The following ESR2 variants were observed in gnomAD, a reference collection of about 807,000 sequenced individuals.
The protein encoded by ESR2 is estrogen receptor 2, also known as estrogen receptor beta.
ESR2 carries 36 observed loss-of-function variants against 49.6 expected under a neutral mutation model. The observed-to-expected ratio is 0.73, with a 90% CI of 0.56 to 0.96. ESR2 has a LOEUF of 0.96. ESR2 is among the 40% of genes least tolerant of loss of function. The pLI, the probability that ESR2 is intolerant of heterozygous loss-of-function variation, is 0.00. For synonymous variants in ESR2, 320 were observed against 266.1 expected (o/e 1.20, Z -1.97); for missense variants, 714 against 693.0 (o/e 1.03, Z -0.34).
At chr14:64,253,685 G>A (rs2140696461) in intron 6 of ESR2, among the ~76,000 whole-genome samples, 1 of 152,044 alleles carries the variant, frequency 6.6e-6, no homozygotes, top group Non-Finnish European at 1.5e-5. Flanking sequence ...ACCTCTGTGT[G>A]TATGGCAATG....
At chr14:64,317,979 A>G (rs1401614869) in intron 1 of ESR2, among the ~76,000 whole-genome samples, 1 of 152,190 alleles carries the variant, frequency 6.6e-6, no homozygotes, top group East Asian at 1.9e-4. Context: ...ATTCAGTACA[A>G]TGCTAGAAGA....
At chr14:64,302,158 ATT>A (rs557296130) in intron 1 of ESR2, among the ~76,000 whole-genome samples, 3 of 113,290 alleles carry the variant, frequency 2.6e-5, no homozygotes, top group Non-Finnish European at 3.7e-5. Context: ...TTTATTTTTT[ATT>A]TTTATTTATT....
At position 64,282,941 on chromosome 14, in the gene ESR2, G is replaced by A. The variant is rs146774535; in HGVS notation, c.45C>T (p.Ser15=). ...NSPSSLNSPS[S]YNCSQSILPL... is the part of the protein sequence containing the mutation. ...GTAAGATGGATTGACTGCAGTTGTA[G>A]GAGGAAGGAGAATTAAGGCTAGATG... Residue 15 remains serine, a synonymous_variant, in exon 2 of 9, where the codon TCC becomes TCT. Transcript: ENST00000341099. 288 of 1,614,078 alleles carry A rather than the reference G, an allele frequency of 1.8e-4. 1 individual carries two copies. The African/African-American group carries it at 3.3e-3, about 19-fold the overall frequency.
At chr14:64,260,111 G>C in intron 5 of ESR2, 1 of 516,654 alleles carries the variant, frequency 1.9e-6, no homozygotes, top group African/African-American at 1.9e-5. Flanking sequence ...ACAGGATAGG[G>C]TTTGTGCAAG....
chr14:64,287,791 A>C (rs957544042), intron 1 of ESR2, among the ~76,000 whole-genome samples: 2 of 152,226 alleles, frequency 1.3e-5, no homozygotes, highest in Admixed American at 1.3e-4. Flanking sequence ...TAAACTGGTC[A>C]AAGGAAAGAC....
chr14:64,281,751 A>G (rs1334287596), intron 2 of ESR2, among the ~76,000 whole-genome samples: 1 of 152,258 alleles, frequency 6.6e-6, no homozygotes, highest in Non-Finnish European at 1.5e-5. Flanking sequence ...TTTAAAGAGT[A>G]CACATATCCT....
rs2098724428 is a variant in ESR2 at position 64,228,459 on chromosome 14, C to T, written c.*4678G>A. ...GGTCTCAAAATCTGCTTTCACAGAG[C>T]AGCAAACATTCATTTCTACAAGGCC... On this transcript the variant is annotated 3_prime_UTR_variant, in exon 9 of 9. Transcript: ENST00000341099. 6.6e-6 allele frequency among the ~76,000 whole-genome samples: 1 copy of T among 152,172 alleles called. No homozygotes were observed. The highest frequency in any genetic ancestry group is 2.4e-5 in the African/African-American group (1 of 41,426).
Position 64,230,229 on chromosome 14 carries a change from TTAAG to T in ESR2, c.*2904_*2907del, listed in dbSNP as rs1194070671. On this transcript the variant is annotated 3_prime_UTR_variant, in exon 9 of 9. Transcript: ENST00000341099. Reference sequence around the variant, plus strand: ...AAAAAAAAAAAGGTGTCAAATCTTATTAAGTGAGGATACTTTGTTTCAAAATAGG... The same window carrying T: ...AAAAAAAAAAAGGTGTCAAATCTTATTGAGGATACTTTGTTTCAAAATAGG... Among the ~76,000 whole-genome samples, 1 of 151,738 alleles carries T rather than the reference TTAAG, an allele frequency of 6.6e-6. No homozygotes were observed. The highest frequency in any genetic ancestry group is 2.4e-5 in the African/African-American group (1 of 41,352).
intron 1 of ESR2, among the ~76,000 whole-genome samples, chr14:64,290,091 G>C (rs550851180): frequency 6.6e-6 from 1 of 152,070 alleles, no homozygotes; most frequent in African/African-American, 2.4e-5. Context: ...GGGGGGTGGG[G>C]GTTATACTCT....
intron 1 of ESR2, among the ~76,000 whole-genome samples, chr14:64,311,644 G>GAA (rs71123837): frequency 2.9e-4 from 27 of 91,828 alleles, no homozygotes; most frequent in African/African-American, 3.8e-4. Context: ...CTCCATCTCA[G>GAA]AAAAAAAAAA....
At chr14:64,272,654 AT>A (rs1012924427) in intron 3 of ESR2, among the ~76,000 whole-genome samples, 5 of 151,652 alleles carry the variant, frequency 3.3e-5, no homozygotes, top group Non-Finnish European at 7.4e-5. Context: ...TGAAGAGACT[AT>A]TTTCAAAAAT....
chr14:64,304,200 A>G (rs1445640304), intron 1 of ESR2, among the ~76,000 whole-genome samples: 1 of 152,192 alleles, frequency 6.6e-6, no homozygotes, highest in African/African-American at 2.4e-5. Flanking sequence ...CTAGCTACTC[A>G]GAGGGCTGAG....
intron 1 of ESR2, among the ~76,000 whole-genome samples, chr14:64,286,358 T>G (rs1366258321): frequency 6.6e-6 from 1 of 152,036 alleles, no homozygotes; most frequent in Non-Finnish European, 1.5e-5. Context: ...TGGAGTGCAG[T>G]GGTACAATCT....
chr14:64,310,433 T>C lies in ESR2; in HGVS notation c.-90-27358A>G, dbSNP rs1261533260. ...AAGATTCTGTTCCAAAGGTAAAATT[T>C]TATGAGTGCAGTTTGCCTTTTTCAA... On this transcript the variant is annotated intron_variant, in intron 1 of 8. Transcript: ENST00000358599. Among the ~76,000 whole-genome samples the C allele has an allele frequency of 2.0e-5, 3 of 151,904 alleles. No individual in the cohort carries two copies. In the East Asian group the frequency reaches 5.8e-4, roughly 29 times the overall value.
At position 64,268,854 on chromosome 14, in the gene ESR2, C is replaced by T. The variant is rs1489920793; in HGVS notation, c.593G>A (p.Arg198His). 14 of 1,613,850 alleles carry T rather than the reference C, an allele frequency of 8.7e-6. No individual in the cohort carries two copies. The highest frequency in any genetic ancestry group is 1.2e-5 in the Non-Finnish European group (14 of 1,179,840). The change falls in exon 4 of 9, where the codon CGC becomes CAC. Residue 198 changes from arginine (R) to histidine (H), a missense_variant. By Grantham distance (29) the Arg-to-His change is conservative (BLOSUM62 0). Transcript: ENST00000341099. ...TNQCTIDKNR[R>H]KSCQACRLRK... The stretch of plus-strand genomic sequence containing the variant: ...AAGTCGGCAGGCCTGGCAGCTCTTG[C>T]GCCGGTTTTTATCGATTGTACACTG...
intron 1 of ESR2, among the ~76,000 whole-genome samples, chr14:64,304,670 A>G (rs754165157): frequency 6.6e-6 from 1 of 152,066 alleles, no homozygotes; most frequent in Admixed American, 6.5e-5. Context: ...GGAGTTTGAG[A>G]TCAGCCTGGG....
At position 64,232,157 on chromosome 14, in the gene ESR2, A is replaced by G. The variant is rs1319013896; in HGVS notation, c.*980T>C. The G allele has an allele frequency of 6.6e-6, 1 of 152,248 alleles. No homozygotes were observed. Among genetic ancestry groups the G allele is most frequent in the Admixed American group, 6.5e-5 (1 of 15,288 alleles). 9.4% of individuals were successfully genotyped at this position (152,248 alleles called of 1,614,324 possible). On this transcript the variant is annotated 3_prime_UTR_variant, in exon 9 of 9. Transcript: ENST00000341099. ...ATAGCTACTCATCCATCCATAAAAC[A>G]GCACACTGCACACATCCACAGCCCA... is the stretch of plus-strand genomic sequence containing the variant.
At chr14:64,324,673 A>T (rs2077367929) in intron 1 of ESR2, among the ~76,000 whole-genome samples, 1 of 152,186 alleles carries the variant, frequency 6.6e-6, no homozygotes, top group Non-Finnish European at 1.5e-5. Context: ...TAAGCATCTG[A>T]ATTTCCTGCT....
At chr14:64,256,765 A>AC (rs944606985) in intron 6 of ESR2, among the ~76,000 whole-genome samples, 3 of 152,130 alleles carry the variant, frequency 2.0e-5, no homozygotes, top group Admixed American at 6.6e-5. Context: ...ACAAAACAAA[A>AC]AAAAACAAAA....
Sources: allele counts gnomAD v4.1 joint callset (sites outside exome capture counted in the v4.1 genomes callset), GRCh38; gene constraint gnomAD v4.1.1; transcripts MANE v1.5; gene names NCBI Gene and HGNC (gene_info 2026-07-23, HGNC 2026-07-21).